Variants in GRK7 observed in about 807,000 individuals in gnomAD.
The protein encoded by GRK7 is rhodopsin kinase GRK7.
In GRK7, 24 loss-of-function variants were observed where a neutral mutation model predicts 34.1. That is an observed-to-expected ratio of 0.70 (90% CI 0.51 to 0.99). The LOEUF (loss-of-function observed/expected upper bound fraction) is 0.99, where lower values mean the gene tolerates loss of function less well. Ranked by LOEUF, GRK7 falls within the 50% of genes least tolerant of loss-of-function variation. The pLI is 0.00. For missense variants in GRK7, 644 were observed against 707.3 expected, an observed-to-expected ratio of 0.91 and a Z score of 1.02; for synonymous variants, 256 against 279.4, an observed-to-expected ratio of 0.92 and a Z score of 0.84.
upstream of GRK7, among the ~76,000 whole-genome samples, chr3:141,762,060 A>G (rs2084557227): frequency 1.4e-5 from 2 of 147,980 alleles, no homozygotes; most frequent in South Asian, 4.5e-4. Context: ...CTTTGGTTTG[A>G]ATGTCCTCCC....
At chr3:141,785,048 A>T (rs1370483335) in intron 4 of GRK7, among the ~76,000 whole-genome samples, 4 of 152,160 alleles carry the variant, frequency 2.6e-5, no homozygotes, top group Admixed American at 6.5e-5. Context: ...TCCTTTCCTT[A>T]TAAAATACTT....
chr3:141,788,796 T>C (rs1209625702), intron 4 of GRK7, among the ~76,000 whole-genome samples: 1 of 152,162 alleles, frequency 6.6e-6, no homozygotes, highest in Non-Finnish European at 1.5e-5. Flanking sequence ...TTGCTACCAC[T>C]TTTGAGTCTA....
At chr3:141,760,576 A>G (rs1256855290), upstream of GRK7, among the ~76,000 whole-genome samples, 2 of 148,814 alleles carry the variant, frequency 1.3e-5, no homozygotes, top group African/African-American at 2.5e-5. Context: ...TGGTGCTGAA[A>G]AAAATGTATA....
At chr3:141,816,476 A>G (rs1711154264) in intron 5 of GRK7, among the ~76,000 whole-genome samples, 1 of 152,206 alleles carries the variant, frequency 6.6e-6, no homozygotes, top group Non-Finnish European at 1.5e-5. Flanking sequence ...CACTGTTTAA[A>G]AATTGCATCT....
intron 4 of GRK7, among the ~76,000 whole-genome samples, chr3:141,807,325 G>A (rs1248456690): frequency 6.6e-6 from 1 of 152,192 alleles, no homozygotes; most frequent in African/African-American, 2.4e-5. Flanking sequence ...TCTTAAAGAT[G>A]AGGTGATGAG....
rs1406406357 is a variant in GRK7 at position 141,778,382 on chromosome 3, G to A, written c.98G>A (p.Arg33Gln). ...TGCGACAGCAAAGAGCTGCAGCGGC[G>A]GCGGCGTAGCCTGGCCCTGCCCGGG... The part of the protein sequence containing the change: ...SDCDSKELQR[R>Q]RRSLALPGLQ... Residue 33 changes from arginine to glutamine, a missense_variant, in exon 3 of 6, where the codon CGG becomes CAG. Physicochemically the swap from Arg to Gln is conservative, Grantham distance 43. Coordinates refer to ENST00000682958, the MANE Select transcript of GRK7 (RefSeq NM_139209.3). This position sits in a 1 kb window ranked among gnomAD's most constrained non-coding sequence, Gnocchi z 4.1. The A allele has an allele frequency of 1.9e-6, 3 of 1,611,510 alleles. No homozygotes were observed. Among genetic ancestry groups the A allele is most frequent in the East Asian group, 2.2e-5 (1 of 44,850 alleles).
chr3:141,789,663 A>AAAAAAAAAAAAAAAAAAAAAAAAC (rs796539386), intron 4 of GRK7, among the ~76,000 whole-genome samples: 50 of 146,830 alleles, frequency 3.4e-4, no homozygotes, highest in African/African-American at 6.2e-4. Flanking sequence ...GGGCAAAAAA[A>AAAAAAAAAAAAAAAAAAAAAAAAC]AAAAAAACAC....
intron 5 of GRK7, among the ~76,000 whole-genome samples, chr3:141,810,768 G>A (rs2107895724): frequency 6.6e-6 from 1 of 152,222 alleles, no homozygotes; most frequent in Middle Eastern, 3.4e-3. Context: ...GGTTCTGTTG[G>A]CCAGAACTAG....
the GRK7 span, among the ~76,000 whole-genome samples, chr3:141,750,763 CCTT>C: frequency 7.2e-6 from 1 of 139,034 alleles, no homozygotes; most frequent in East Asian, 2.0e-4. Flanking sequence ...TGGTTTATAA[CCTT>C]TTTTTTTTTT....
At chr3:141,809,203 A>AAATAAT (rs907322737) in intron 5 of GRK7, among the ~76,000 whole-genome samples, 1 of 151,820 alleles carries the variant, frequency 6.6e-6, no homozygotes, top group South Asian at 2.1e-4. Flanking sequence ...CTTCGTCTCA[A>AAATAAT]AATAATAATA....
chr3:141,789,928 T>A (rs2084715770), intron 4 of GRK7, among the ~76,000 whole-genome samples: 1 of 152,098 alleles, frequency 6.6e-6, no homozygotes, highest in Admixed American at 6.5e-5. Flanking sequence ...TCCAGGCACA[T>A]CAGATTTAAA....
At chr3:141,772,250 A>G (rs1042416251) in intron 1 of GRK7, among the ~76,000 whole-genome samples, 3 of 151,970 alleles carry the variant, frequency 2.0e-5, no homozygotes, top group Non-Finnish European at 4.4e-5. Flanking sequence ...ATGCGCCACC[A>G]TGCGCGGCTA....
At chr3:141,757,193 C>T in the GRK7 span, among the ~76,000 whole-genome samples, 2 of 139,940 alleles carry the variant, frequency 1.4e-5, no homozygotes, top group East Asian at 2.1e-4. Context: ...TACATGTGCA[C>T]ATTGCGCAGG....
the GRK7 span, among the ~76,000 whole-genome samples, chr3:141,750,982 T>C: frequency 6.6e-6 from 1 of 151,980 alleles, no homozygotes; most frequent in African/African-American, 2.4e-5. Flanking sequence ...GGCTGTAGTG[T>C]GTGATGGCCA....
intron 3 of GRK7, 66 bp from the exon 4 acceptor site, chr3:141,780,308 T>C: frequency 7.4e-7 from 1 of 1,345,522 alleles, no homozygotes; most frequent in Non-Finnish European, 1.0e-6. Flanking sequence ...TCCTCCTTTA[T>C]CATCTCCACC....
At position 141,818,723 on chromosome 3, in the gene GRK7, TG is replaced by T. The variant is rs1458053349; in HGVS notation, c.*1675del. Among the ~76,000 whole-genome samples, 1 of 152,122 alleles carries T rather than the reference TG, an allele frequency of 6.6e-6. No individual in the cohort carries two copies. Among genetic ancestry groups the T allele is most frequent in the African/African-American group, 2.4e-5 (1 of 41,400 alleles). ...ATAATAAAATCTAAATTTATCCCAG[TG>T]GTAAAAAAAACCTGGCTGAAGTCAG... is the stretch of plus-strand genomic sequence containing the variant. On this transcript the variant is annotated 3_prime_UTR_variant, in exon 6 of 6. Transcript: ENST00000682958.
At chr3:141,779,749 T>G (rs564810446) in intron 3 of GRK7, among the ~76,000 whole-genome samples, 1 of 152,332 alleles carries the variant, frequency 6.6e-6, no homozygotes, top group Admixed American at 6.5e-5. Flanking sequence ...GATTTGCCTA[T>G]TCTGGGTGTT....
At chr3:141,782,986 A>C (rs1432493776) in intron 4 of GRK7, among the ~76,000 whole-genome samples, 1 of 152,334 alleles carries the variant, frequency 6.6e-6, no homozygotes, top group Non-Finnish European at 1.5e-5. Flanking sequence ...ACTTGCCAGC[A>C]TTAGTTCAGC....
intron 4 of GRK7, among the ~76,000 whole-genome samples, chr3:141,805,285 A>G (rs1255178080): frequency 2.6e-5 from 4 of 152,232 alleles, no homozygotes; most frequent in Non-Finnish European, 4.4e-5. Flanking sequence ...ATTGCAGGGC[A>G]TGACTCAACA....
Sources: allele counts gnomAD v4.1 joint callset (sites outside exome capture counted in the v4.1 genomes callset), GRCh38; gene constraint gnomAD v4.1.1; non-coding constraint Gnocchi (gnomAD v3.1); transcripts MANE v1.5; gene names NCBI Gene and HGNC (gene_info 2026-07-23, HGNC 2026-07-21).